CHCHD3: variants seen among roughly 807,000 people sequenced by gnomAD.
CHCHD3 encodes the protein coiled-coil-helix-coiled-coil-helix domain containing 3.
Under a neutral mutation model 38.2 loss-of-function variants are expected in CHCHD3, and 20 were observed. The ratio of observed to expected loss-of-function variants is 0.52; its 90% CI spans 0.37 to 0.76. The LOEUF is 0.76. Ranked by LOEUF, CHCHD3 falls within the 30% of genes least tolerant of loss-of-function variation. The probability of loss-of-function intolerance (pLI) is 0.00; values close to 1 mark genes in which losing one functional copy is unlikely to be tolerated. For missense variants in CHCHD3, 245 were observed against 279.2 expected, an observed-to-expected ratio of 0.88 and a Z score of 0.87; for synonymous variants, 82 against 100.0, an observed-to-expected ratio of 0.82 and a Z score of 1.07.
At chr7:132,839,849 G>A (rs1001424180) in intron 5 of CHCHD3, among the ~76,000 whole-genome samples, 51 of 152,296 alleles carry the variant, frequency 3.3e-4, no homozygotes, top group African/African-American at 1.2e-3. Flanking sequence ...TCAACCTATA[G>A]TCCCCTACGA....
At chr7:132,943,843 C>T (rs1810833115) in intron 4 of CHCHD3, among the ~76,000 whole-genome samples, 1 of 152,118 alleles carries the variant, frequency 6.6e-6, no homozygotes, top group South Asian at 2.1e-4. Context: ...CACTATCTGT[C>T]TCTTCATCTA....
intron 5 of CHCHD3, among the ~76,000 whole-genome samples, chr7:132,881,067 G>A (rs1192336739): frequency 2.6e-5 from 4 of 152,130 alleles, no homozygotes; most frequent in Non-Finnish European, 5.9e-5. Context: ...CAACATTTGA[G>A]TATGAAATAA....
At chr7:132,955,386 G>A (rs1811138596) in intron 4 of CHCHD3, among the ~76,000 whole-genome samples, 1 of 151,938 alleles carries the variant, frequency 6.6e-6, no homozygotes, top group Non-Finnish European at 1.5e-5. Context: ...TGCAATGCAG[G>A]GCAAAAAGTA....
At chr7:132,935,110 G>C (rs1230796025) in intron 4 of CHCHD3, among the ~76,000 whole-genome samples, 1 of 149,760 alleles carries the variant, frequency 6.7e-6, no homozygotes, top group African/African-American at 2.5e-5. Context: ...GACAGCCTCA[G>C]GAAAATTATT....
chr7:132,928,900 C>T (rs1422382311), intron 4 of CHCHD3, among the ~76,000 whole-genome samples: 1 of 152,068 alleles, frequency 6.6e-6, no homozygotes, highest in African/African-American at 2.4e-5. Context: ...TTTCTACCCT[C>T]GAACCTACTC....
chr7:132,910,252 G>T (rs993876087), intron 4 of CHCHD3, among the ~76,000 whole-genome samples: 1 of 152,126 alleles, frequency 6.6e-6, no homozygotes, highest in Non-Finnish European at 1.5e-5. Context: ...AGGGCAGGGG[G>T]TATTTCTTTT....
intron 2 of CHCHD3, among the ~76,000 whole-genome samples, chr7:133,029,810 T>C (rs1813450666): frequency 6.6e-6 from 1 of 151,992 alleles, no homozygotes; most frequent in Non-Finnish European, 1.5e-5. Flanking sequence ...AGATACAGAT[T>C]ACAGGTGGCA....
chr7:132,985,125 G>A lies in CHCHD3; in HGVS notation c.252-9839C>T, dbSNP rs571458288. 1.3e-3 allele frequency among the ~76,000 whole-genome samples: 117 copies of A among 87,934 alleles called. 18 individuals carry two copies. Among genetic ancestry groups the A allele is most frequent in the Non-Finnish European group, 2.6e-3 (106 of 41,434 alleles). 57.7% of individuals were successfully genotyped at this position (87,934 alleles called of 152,430 possible). ...CCGCCCCATCCGGGAGGTGAGGGGC[G>A]CCTCTGCCCGGCCGCCCCTACTGGG... On this transcript the variant is annotated intron_variant, in intron 3 of 7. Coordinates refer to ENST00000262570, the MANE Select transcript of CHCHD3 (RefSeq NM_017812.4).
chr7:132,983,138 A>G (rs1282986912), intron 3 of CHCHD3, among the ~76,000 whole-genome samples: 2 of 151,674 alleles, frequency 1.3e-5, no homozygotes, highest in Admixed American at 6.6e-5. Flanking sequence ...CCTAGCCAAC[A>G]TGGCGAAACC....
At chr7:132,960,965 T>C (rs1432068973) in intron 4 of CHCHD3, among the ~76,000 whole-genome samples, 1 of 151,478 alleles carries the variant, frequency 6.6e-6, no homozygotes, top group Non-Finnish European at 1.5e-5. Flanking sequence ...ACAGACTCTA[T>C]CGCCAAAACA....
At chr7:132,797,500 T>C (rs1054030535) in intron 6 of CHCHD3, among the ~76,000 whole-genome samples, 3 of 152,190 alleles carry the variant, frequency 2.0e-5, no homozygotes, top group African/African-American at 7.2e-5. Context: ...CTAATACAAT[T>C]TAGCAACCTA....
intron 4 of CHCHD3, among the ~76,000 whole-genome samples, chr7:132,933,054 G>A (rs181111985): frequency 6.6e-6 from 1 of 152,286 alleles, no homozygotes; most frequent in Non-Finnish European, 1.5e-5. Context: ...AGATTCAGAT[G>A]GAAAACCGAG....
At chr7:133,003,558 T>C (rs1812625641) in intron 3 of CHCHD3, among the ~76,000 whole-genome samples, 1 of 152,236 alleles carries the variant, frequency 6.6e-6, no homozygotes, top group African/African-American at 2.4e-5. Flanking sequence ...CTGTCCATCA[T>C]ATGTGACAGT....
chr7:132,934,538 G>A (rs574192695), intron 4 of CHCHD3, among the ~76,000 whole-genome samples: 8 of 152,212 alleles, frequency 5.3e-5, no homozygotes, highest in African/African-American at 9.6e-5. Context: ...AGTTGCTTTC[G>A]TATTTAATGA....
intron 4 of CHCHD3, among the ~76,000 whole-genome samples, chr7:132,921,068 T>C (rs1810248348): frequency 6.6e-6 from 1 of 152,124 alleles, no homozygotes. Context: ...TTCCTCAAGA[T>C]AAATCACCAC....
rs1005695884 is a variant in CHCHD3 at position 132,998,982 on chromosome 7, T to C, written c.252-23696A>G. On this transcript the variant is annotated intron_variant, in intron 3 of 7. Coordinates refer to ENST00000262570, the MANE Select transcript of CHCHD3 (RefSeq NM_017812.4). ...GCTCTGAAGAAAGGACTTTAAAGTG[T>C]TCCTAACTGGAATGTTAGGAATGTT... 2.6e-5 allele frequency among the ~76,000 whole-genome samples: 4 copies of C among 152,236 alleles called. No individual in the cohort carries two copies. In the East Asian group the frequency reaches 7.7e-4, roughly 29 times the overall value.
chr7:132,796,701 G>T (rs1420234753), intron 6 of CHCHD3, 124 bp from the exon 7 acceptor site: 1 of 851,714 alleles, frequency 1.2e-6, no homozygotes, highest in Non-Finnish European at 1.8e-6. Flanking sequence ...AGGTTTAAGA[G>T]AAAGAATTTT....
intron 1 of CHCHD3, among the ~76,000 whole-genome samples, chr7:133,081,636 G>T (rs1815173295): frequency 6.6e-6 from 1 of 152,124 alleles, no homozygotes; most frequent in South Asian, 2.1e-4. Flanking sequence ...GGCATTCCCC[G>T]CCCGCCCCAG....
chr7:132,899,467 C>A (rs1325669797), intron 4 of CHCHD3, among the ~76,000 whole-genome samples: 1 of 152,166 alleles, frequency 6.6e-6, no homozygotes, highest in African/African-American at 2.4e-5. Context: ...GCTCCTATGG[C>A]CGCCACATAA....
Sources: allele counts gnomAD v4.1 joint callset (sites outside exome capture counted in the v4.1 genomes callset), GRCh38; gene constraint gnomAD v4.1.1; transcripts MANE v1.5; gene names NCBI Gene and HGNC (gene_info 2026-07-23, HGNC 2026-07-21).